The following NELL2 variants were observed in gnomAD, a reference collection of about 807,000 sequenced individuals.
NELL2 encodes protein kinase C-binding protein NELL2.
A neutral mutation model predicts 109.6 loss-of-function variants in NELL2; 41 were observed. The observed-to-expected ratio is 0.37, with a 90% CI of 0.29 to 0.49. The LOEUF (loss-of-function observed/expected upper bound fraction) is 0.49. Ranked by LOEUF, NELL2 falls within the 20% of genes least tolerant of loss-of-function variation. The pLI is 0.98. For synonymous variants in NELL2, 355 were observed against 344.7 expected (o/e 1.03, Z -0.33); for missense variants, 900 against 1,008.3 (o/e 0.89, Z 1.45).
At chr12:44,811,969 C>T (rs1326084919) in intron 3 of NELL2, among the ~76,000 whole-genome samples, 1 of 152,100 alleles carries the variant, frequency 6.6e-6, no homozygotes, top group African/African-American at 2.4e-5. Flanking sequence ...CACAATGCCA[C>T]TGCCACCCCA....
intron 12 of NELL2, among the ~76,000 whole-genome samples, chr12:44,683,396 T>C (rs1370677883): frequency 1.4e-5 from 2 of 144,226 alleles, no homozygotes; most frequent in South Asian, 2.1e-4. Flanking sequence ...CTTTTCCTGA[T>C]TGAATACCCT....
intron 15 of NELL2, among the ~76,000 whole-genome samples, chr12:44,588,204 A>G (rs142325881): frequency 8.5e-5 from 13 of 152,094 alleles, no homozygotes; most frequent in Middle Eastern, 3.4e-3. Context: ...TCAATTTTGA[A>G]TCATTGTGCT....
chr12:44,576,509 A>T (rs7134690), intron 15 of NELL2, among the ~76,000 whole-genome samples: 129,174 of 151,984 alleles, frequency 0.85, 55,308 homozygotes, highest in East Asian at 1. Context: ...GGAGACATCT[A>T]TCTTATGATG....
At chr12:44,866,012 A>G (rs1035133255) in intron 2 of NELL2, among the ~76,000 whole-genome samples, 4 of 152,132 alleles carry the variant, frequency 2.6e-5, no homozygotes, top group Non-Finnish European at 4.4e-5. Context: ...ATCCACTTTC[A>G]TGAATAAGAT....
intron 9 of NELL2, among the ~76,000 whole-genome samples, chr12:44,736,027 T>C (rs1939622052): frequency 1.4e-5 from 2 of 147,080 alleles, no homozygotes; most frequent in African/African-American, 5.2e-5. Flanking sequence ...TTTTTTTTTT[T>C]TCTGACGGAG....
intron 16 of NELL2, among the ~76,000 whole-genome samples, chr12:44,527,503 A>C (rs929543870): frequency 1.3e-5 from 2 of 152,236 alleles, no homozygotes; most frequent in Non-Finnish European, 2.9e-5. Context: ...TATGTTGTAG[A>C]TCACACAACT....
At chr12:44,729,748 T>C (rs970084070) in intron 9 of NELL2, among the ~76,000 whole-genome samples, 1 of 151,838 alleles carries the variant, frequency 6.6e-6, no homozygotes, top group South Asian at 2.1e-4. Context: ...GCGCCTGTAC[T>C]AGGATTACAG....
intron 2 of NELL2, among the ~76,000 whole-genome samples, chr12:44,832,168 T>C (rs1464930831): frequency 3.9e-5 from 6 of 152,214 alleles, no homozygotes; most frequent in African/African-American, 1.4e-4. Flanking sequence ...CATATAAGAA[T>C]GAGCCCCAAA....
intron 1 of NELL2, among the ~76,000 whole-genome samples, chr12:44,893,643 A>G (rs1411281415): frequency 2.0e-5 from 3 of 152,184 alleles, no homozygotes; most frequent in Non-Finnish European, 4.4e-5. Context: ...GTCTTAAACC[A>G]GACTGACTAT....
chr12:44,587,307 A>ATATATT (rs1302978950), intron 15 of NELL2, among the ~76,000 whole-genome samples: 121 of 96,630 alleles, frequency 1.3e-3, no homozygotes, highest in African/African-American at 3.6e-3. Context: ...ATATATATAT[A>ATATATT]TTTTTTTTTA....
At chr12:44,667,639 A>G (rs916350741) in intron 12 of NELL2, among the ~76,000 whole-genome samples, 28 of 152,224 alleles carry the variant, frequency 1.8e-4, no homozygotes, top group African/African-American at 6.5e-4. Flanking sequence ...TCGACAGACA[A>G]GGATCATAAC....
intron 13 of NELL2, among the ~76,000 whole-genome samples, chr12:44,638,359 T>A (rs1173259851): frequency 6.6e-6 from 1 of 152,154 alleles, no homozygotes; most frequent in South Asian, 2.1e-4. Flanking sequence ...GTAAATGACC[T>A]TTTGAGGATT....
At chr12:44,590,835 C>A (rs1224645995) in intron 15 of NELL2, among the ~76,000 whole-genome samples, 1 of 151,846 alleles carries the variant, frequency 6.6e-6, no homozygotes, top group East Asian at 1.9e-4. Context: ...GAAGAGACCA[C>A]CTGCAGAATG....
intron 1 of NELL2, among the ~76,000 whole-genome samples, chr12:44,891,822 C>A (rs540258777): frequency 5.7e-4 from 87 of 152,328 alleles, no homozygotes; most frequent in African/African-American, 2.0e-3. Flanking sequence ...AATTTCCTCT[C>A]TCTCCTCTTA....
intron 13 of NELL2, among the ~76,000 whole-genome samples, chr12:44,642,055 C>G (rs1946878522): frequency 6.6e-6 from 1 of 152,050 alleles, no homozygotes; most frequent in Non-Finnish European, 1.5e-5. Flanking sequence ...ACAATATTTC[C>G]TTCCTTGCCC....
At chr12:44,861,094 G>C (rs1944827702) in intron 2 of NELL2, among the ~76,000 whole-genome samples, 1 of 152,156 alleles carries the variant, frequency 6.6e-6, no homozygotes, top group African/African-American at 2.4e-5. Context: ...AACCAGGTGA[G>C]AGATTGCAGC....
At chr12:44,655,895 T>C (rs1163977096) in intron 13 of NELL2, among the ~76,000 whole-genome samples, 1 of 152,230 alleles carries the variant, frequency 6.6e-6, no homozygotes, top group African/African-American at 2.4e-5. Flanking sequence ...AGTTGTCTGA[T>C]TTTCAAGTTT....
intron 15 of NELL2, among the ~76,000 whole-genome samples, chr12:44,562,485 C>A (rs1943503203): frequency 6.6e-6 from 1 of 152,112 alleles, no homozygotes; most frequent in Non-Finnish European, 1.5e-5. Flanking sequence ...AAACAAACAA[C>A]CCCATGAAAA....
intron 13 of NELL2, among the ~76,000 whole-genome samples, chr12:44,644,604 G>GTGTGTATATATATATATA: frequency 1.2e-5 from 1 of 81,240 alleles, no homozygotes; most frequent in African/African-American, 5.6e-5. Context: ...ATATATATAT[G>GTGTGTATATATATATATA]TATGTATATA....
Sources: allele counts gnomAD v4.1 joint callset (sites outside exome capture counted in the v4.1 genomes callset), GRCh38; gene constraint gnomAD v4.1.1; transcripts MANE v1.5; gene names NCBI Gene and HGNC (gene_info 2026-07-23, HGNC 2026-07-21).